The following IQGAP2 variants were observed in gnomAD, a reference collection of about 807,000 sequenced individuals.
The protein encoded by IQGAP2 is ras GTPase-activating-like protein IQGAP2.
A neutral mutation model predicts 201.3 loss-of-function variants in IQGAP2; 173 were observed. The observed-to-expected ratio is 0.86, with a 90% CI of 0.76 to 0.98. The LOEUF (loss-of-function observed/expected upper bound fraction) is 0.98, where lower values mean the gene tolerates loss of function less well. Among genes scored for constraint, IQGAP2 ranks in the 50% least tolerant of loss-of-function variants. IQGAP2 has a pLI of 0.00. For missense variants in IQGAP2, 1,687 were observed against 1,864.8 expected (o/e 0.90, Z 1.76); for synonymous variants, 675 against 673.9 (o/e 1.00, Z -0.03).
intron 5 of IQGAP2, among the ~76,000 whole-genome samples, chr5:76,585,071 A>G (rs1746145977): frequency 6.6e-6 from 1 of 152,230 alleles, no homozygotes; most frequent in African/African-American, 2.4e-5. Context: ...AGATATCTAA[A>G]TTATTGGTGG....
intron 1 of IQGAP2, among the ~76,000 whole-genome samples, chr5:76,411,630 G>A (rs1056309062): frequency 4.6e-5 from 7 of 152,122 alleles, no homozygotes; most frequent in African/African-American, 1.7e-4. Context: ...CCCATGCGAT[G>A]CCTTTTGCCA....
intron 1 of IQGAP2, among the ~76,000 whole-genome samples, chr5:76,433,664 A>G (rs1472943234): frequency 6.6e-6 from 1 of 152,192 alleles, no homozygotes; most frequent in East Asian, 1.9e-4. Flanking sequence ...TTTTATAATT[A>G]GACTTTGTTT....
At chr5:76,445,577 G>T (rs1188339472) in intron 1 of IQGAP2, among the ~76,000 whole-genome samples, 1 of 150,500 alleles carries the variant, frequency 6.6e-6, no homozygotes, top group Non-Finnish European at 1.5e-5. Context: ...TGATTCTTCT[G>T]CCTCAGCCTG....
chr5:76,481,428 G>A (rs1755789821), intron 2 of IQGAP2, among the ~76,000 whole-genome samples: 2 of 151,858 alleles, frequency 1.3e-5, no homozygotes, highest in Admixed American at 1.3e-4. Flanking sequence ...TGTTGCTCAG[G>A]CTGGAGTGCA....
At chr5:76,627,754 G>A (rs1750375094) in intron 14 of IQGAP2, among the ~76,000 whole-genome samples, 1 of 152,134 alleles carries the variant, frequency 6.6e-6, no homozygotes, top group African/African-American at 2.4e-5. Context: ...TTGTATAATT[G>A]AATAAAATTC....
intron 2 of IQGAP2, among the ~76,000 whole-genome samples, chr5:76,521,702 T>G (rs1758693985): frequency 1.3e-5 from 2 of 152,200 alleles, no homozygotes; most frequent in Admixed American, 1.3e-4. Context: ...CACGTCACTG[T>G]AGCATTTTGG....
At chr5:76,515,692 CAGATGTGA>C (rs1016203842) in intron 2 of IQGAP2, among the ~76,000 whole-genome samples, 1 of 152,098 alleles carries the variant, frequency 6.6e-6, no homozygotes, top group Admixed American at 6.6e-5. Context: ...GAGAGATGTC[CAGATGTGA>C]AACGGCAAAA....
rs549924095 is a variant in IQGAP2 at position 76,613,989 on chromosome 5, G to A, written c.1521+2806G>A. Among the ~76,000 whole-genome samples the A allele has an allele frequency of 1.4e-4, 22 of 152,212 alleles. No homozygotes were observed. In the East Asian group the frequency reaches 2.9e-3, roughly 20 times the overall value. On this transcript the variant is annotated intron_variant, in intron 13 of 35. Coordinates refer to ENST00000274364, the MANE Select transcript of IQGAP2 (RefSeq NM_006633.5). ...ATTACAGGCATGAGCCACCGCACCC[G>A]GCTTCAAGGTTCTTACTAGACGTAG... is the stretch of plus-strand genomic sequence containing the variant.
intron 2 of IQGAP2, among the ~76,000 whole-genome samples, chr5:76,542,970 G>T (rs1742869048): frequency 6.6e-6 from 1 of 152,178 alleles, no homozygotes; most frequent in Non-Finnish European, 1.5e-5. Flanking sequence ...TAGAATTAAG[G>T]CACAAGAAAT....
intron 4 of IQGAP2, 43 bp from the exon 5 acceptor site, chr5:76,575,650 A>C: frequency 7.8e-7 from 1 of 1,289,300 alleles, no homozygotes; most frequent in Non-Finnish European, 1.1e-6. Flanking sequence ...AATACTTGTG[A>C]GAAGCAAAAC....
chr5:76,634,300 C>A (rs957349636), intron 15 of IQGAP2, among the ~76,000 whole-genome samples: 4 of 151,576 alleles, frequency 2.6e-5, no homozygotes, highest in African/African-American at 9.7e-5. Context: ...CTCACTCTGT[C>A]ACCCAGGCTG....
chr5:76,610,085 T>G lies in IQGAP2; in HGVS notation c.1358-935T>G, dbSNP rs1384243822. Reference sequence around the variant, plus strand: ...CTCTCTCTCTCTCTCTCTATATATATATATATATATATATATATATATATA... The same window carrying G: ...CTCTCTCTCTCTCTCTCTATATATAGATATATATATATATATATATATATA... On this transcript the variant is annotated intron_variant, in intron 12 of 35. Coordinates refer to ENST00000274364, the MANE Select transcript of IQGAP2 (RefSeq NM_006633.5). Among the ~76,000 whole-genome samples, 9 of 8,276 alleles carry G rather than the reference T, an allele frequency of 1.1e-3. No homozygotes were observed. In the East Asian group the frequency reaches 0.039, roughly 36 times the overall value. 5.4% of individuals were successfully genotyped at this position (8,276 alleles called of 152,430 possible).
At chr5:76,689,230 T>TTAA (rs566505116) in intron 30 of IQGAP2, among the ~76,000 whole-genome samples, 14 of 86,490 alleles carry the variant, frequency 1.6e-4, no homozygotes, top group Middle Eastern at 0.012. Context: ...CAGGGATATT[T>TTAA]AAAAAAAAAA....
At position 76,590,525 on chromosome 5, in the gene IQGAP2, C is replaced by G. The variant is rs773268046; in HGVS notation, c.758C>G (p.Pro253Arg). The change falls in exon 8 of 36, where the codon CCA becomes CGA. Residue 253 changes from proline (P) to arginine (R), a missense_variant. Physicochemically the swap from Pro to Arg is moderately radical, Grantham distance 103. Transcript: ENST00000274364. ...ACTTTAGTGGATGACAACCTTGCAC[C>G]AGAATATCAGAAAGAACTCTGGGAT... is the stretch of plus-strand genomic sequence containing the variant. ...VLTLVDDNLA[P>R]EYQKELWDAK... 3 of 1,613,408 alleles carry G rather than the reference C, an allele frequency of 1.9e-6. No homozygotes were observed. In the South Asian group the frequency reaches 3.3e-5, roughly 18 times the overall value.
rs546205471 is a variant in IQGAP2 at position 76,628,654 on chromosome 5, G to A, written c.1612+1154G>A. The A allele has an allele frequency of 1.3e-3, 587 of 455,256 alleles. 4 individuals are homozygous for A. Among genetic ancestry groups the A allele is most frequent in the South Asian group, 1.8e-3 (118 of 64,214 alleles). The allele number at this position is 455,256 out of a possible 1,614,324, so 28.2% of individuals were successfully genotyped here. On this transcript the variant is annotated intron_variant, in intron 14 of 35. Coordinates refer to ENST00000274364, the MANE Select transcript of IQGAP2 (RefSeq NM_006633.5). ...ATTCTGTTGTATCAGGTCAGAGAAG[G>A]TTCTTAAGATGACTTTGTCTTACTC...
intron 17 of IQGAP2, among the ~76,000 whole-genome samples, chr5:76,644,889 G>A (rs192777019): frequency 2.3e-4 from 35 of 152,262 alleles, no homozygotes; most frequent in Non-Finnish European, 4.3e-4. Flanking sequence ...CGGGATACAT[G>A]TGCAGAATGT....
chr5:76,671,557 G>A (rs959373082), intron 23 of IQGAP2, among the ~76,000 whole-genome samples: 1 of 151,628 alleles, frequency 6.6e-6, no homozygotes, highest in African/African-American at 2.4e-5. Flanking sequence ...ATGTGGTGGT[G>A]CACACCTGTA....
chr5:76,481,378 CAA>C (rs1180541124), intron 2 of IQGAP2, among the ~76,000 whole-genome samples: 1 of 151,152 alleles, frequency 6.6e-6, no homozygotes, highest in Non-Finnish European at 1.5e-5. Context: ...AATCAATGTA[CAA>C]AAAAAGTTTT....
intron 1 of IQGAP2, among the ~76,000 whole-genome samples, chr5:76,413,360 G>C (rs967369263): frequency 6.6e-6 from 1 of 151,374 alleles, no homozygotes; most frequent in African/African-American, 2.4e-5. Flanking sequence ...GTAGAGATGG[G>C]GTTTCACCGT....
Sources: allele counts gnomAD v4.1 joint callset (sites outside exome capture counted in the v4.1 genomes callset), GRCh38; gene constraint gnomAD v4.1.1; transcripts MANE v1.5; gene names NCBI Gene and HGNC (gene_info 2026-07-23, HGNC 2026-07-21).